The following SPATA18 variants were observed in gnomAD, a reference collection of about 807,000 sequenced individuals.
SPATA18 encodes the protein spermatogenesis associated 18.
A neutral mutation model predicts 68.1 loss-of-function variants in SPATA18; 54 were observed. The observed-to-expected ratio is 0.79, with a 90% CI of 0.64 to 0.99. SPATA18 has a LOEUF of 0.99. Ranked by LOEUF, SPATA18 falls within the 50% of genes least tolerant of loss-of-function variation. The pLI, the probability that SPATA18 is intolerant of heterozygous loss-of-function variation, is 0.00. For synonymous variants in SPATA18, 242 were observed against 244.8 expected (o/e 0.99, Z 0.11); for missense variants, 724 against 681.1 (o/e 1.06, Z -0.70).
chr4:52,060,571 T>A, intron 2 of SPATA18, 47 bp downstream of exon 2: 1 of 1,565,410 alleles, frequency 6.4e-7, no homozygotes, highest in Non-Finnish European at 8.8e-7. Flanking sequence ...TGCCTTTCTC[T>A]CTTTTCTTGG....
At chr4:52,082,136 A>T (rs1022259677) in intron 9 of SPATA18, among the ~76,000 whole-genome samples, 1 of 15,084 alleles carries the variant, frequency 6.6e-5, no homozygotes, top group African/African-American at 7.2e-5. Flanking sequence ...CTGAATTGCA[A>T]CTCTTGTAAT....
intron 1 of SPATA18, 105 bp from the exon 2 acceptor site, chr4:52,060,314 A>G (rs1738715730): frequency 1.2e-6 from 1 of 816,434 alleles, no homozygotes; most frequent in African/African-American, 1.7e-5. Flanking sequence ...CCACAAAAGC[A>G]TACCAGAGCC....
intron 11 of SPATA18, among the ~76,000 whole-genome samples, chr4:52,093,138 A>G (rs1424783431): frequency 6.6e-6 from 1 of 152,204 alleles, no homozygotes; most frequent in Non-Finnish European, 1.5e-5. Context: ...CCTAAACTTA[A>G]AAAGAAAAAT....
At chr4:52,091,868 T>C (rs1741991977) in intron 11 of SPATA18, among the ~76,000 whole-genome samples, 1 of 152,142 alleles carries the variant, frequency 6.6e-6, no homozygotes, top group Admixed American at 6.5e-5. Context: ...TATAAGCCCC[T>C]GACTGGGGCT....
intron 1 of SPATA18, among the ~76,000 whole-genome samples, chr4:52,057,233 C>A (rs1263172644): frequency 6.6e-6 from 1 of 151,824 alleles, no homozygotes; most frequent in Non-Finnish European, 1.5e-5. Flanking sequence ...CAGGGCCTTA[C>A]ATATAATAGA....
rs1459946266 is a variant in SPATA18 at position 52,097,131 on chromosome 4, G to A, written c.*2244G>A. 1 of 152,078 alleles carries A rather than the reference G, an allele frequency of 6.6e-6. No homozygotes were observed. The highest frequency in any genetic ancestry group is 2.4e-5 in the African/African-American group (1 of 41,414). 9.4% of individuals were successfully genotyped at this position (152,078 alleles called of 1,614,324 possible). The stretch of plus-strand genomic sequence containing the variant: ...GACTGGCCTATACTCATTTTATCTG[G>A]GGATGTACCTTACCCTTAGAGACTT... On this transcript the variant is annotated 3_prime_UTR_variant, in exon 13 of 13. Coordinates refer to ENST00000295213, the MANE Select transcript of SPATA18 (RefSeq NM_145263.4).
At chr4:52,091,564 C>T (rs1741956608) in intron 11 of SPATA18, among the ~76,000 whole-genome samples, 1 of 152,152 alleles carries the variant, frequency 6.6e-6, no homozygotes, top group Admixed American at 6.5e-5. Flanking sequence ...ACTGAAAGTC[C>T]ACTCCCAACC....
At position 52,094,867 on chromosome 4, in the gene SPATA18, T is replaced by G; in HGVS notation, c.1610-13T>G. The G allele has an allele frequency of 6.2e-7, 1 of 1,613,744 alleles. No individual in the cohort carries two copies. ...AGTGACCATAATAATGAACTGTCTA[T>G]TTTTCTCCCTAGGATTTTAAAAGCA... On this transcript the variant is annotated splice_polypyrimidine_tract_variant and intron_variant, in intron 12 of 12. Coordinates refer to ENST00000295213, the MANE Select transcript of SPATA18 (RefSeq NM_145263.4).
At chr4:52,082,534 A>C (rs1312917841) in intron 10 of SPATA18, 24 bp downstream of exon 10, 4 of 1,613,946 alleles carry the variant, frequency 2.5e-6, no homozygotes, top group Non-Finnish European at 3.4e-6. Context: ...GCATAGTGAC[A>C]ATTCATCCCA....
At chr4:52,091,921 C>A (rs986644933) in intron 11 of SPATA18, among the ~76,000 whole-genome samples, 1 of 152,208 alleles carries the variant, frequency 6.6e-6, no homozygotes, top group African/African-American at 2.4e-5. Context: ...GAGGAGCAAT[C>A]TGCCAGTCTG....
intron 1 of SPATA18, among the ~76,000 whole-genome samples, chr4:52,057,746 C>G (rs550418663): frequency 7.9e-5 from 12 of 152,294 alleles, no homozygotes; most frequent in African/African-American, 2.9e-4. Context: ...TGCCTTATTC[C>G]TAAGCCACTG....
At chr4:52,068,875 T>G (rs1739556867) in intron 4 of SPATA18, among the ~76,000 whole-genome samples, 1 of 152,130 alleles carries the variant, frequency 6.6e-6, no homozygotes, top group African/African-American at 2.4e-5. Context: ...CTTCCATTTT[T>G]TTTTTGGAGA....
chr4:52,084,009 G>A (rs9997080), intron 10 of SPATA18, among the ~76,000 whole-genome samples: 19,407 of 148,588 alleles, frequency 0.13, 1,450 homozygotes, highest in South Asian at 0.28. Context: ...AAAGTGCTGC[G>A]ATTACAGGCA....
At chr4:52,082,873 C>A (rs753323356) in intron 10 of SPATA18, 1 of 985,184 alleles carries the variant, frequency 1.0e-6, no homozygotes, top group Admixed American at 6.2e-5. Context: ...TCTCAGGAAA[C>A]GATTTGCCAA....
Position 52,079,872 on chromosome 4 carries a change from C to T in SPATA18, c.1308C>T (p.Pro436=), listed in dbSNP as rs370332305. 1 of 1,613,830 alleles carries T rather than the reference C, an allele frequency of 6.2e-7. No homozygotes were observed. The highest frequency in any genetic ancestry group is 1.3e-5 in the African/African-American group (1 of 74,906). ...TTGCAATGCAGGCCTTAGAACCACCCCTAGATATTGCATATGGAGCAGATG... is the reference window on the plus strand; with the variant it reads ...TTGCAATGCAGGCCTTAGAACCACCTCTAGATATTGCATATGGAGCAGATG... ...IAFAMQALEP[P]LDIAYGADGE... The change falls in exon 9 of 13, where the codon CCC becomes CCT. Residue 436 remains proline, a synonymous_variant. Transcript: ENST00000295213.
intron 4 of SPATA18, among the ~76,000 whole-genome samples, chr4:52,065,823 C>A (rs1339310093): frequency 6.6e-6 from 1 of 152,112 alleles, no homozygotes; most frequent in African/African-American, 2.4e-5. Context: ...GGCAAATGGC[C>A]ACAAGTCTGC....
chr4:52,077,930 T>C (rs1477548405), intron 7 of SPATA18, among the ~76,000 whole-genome samples: 1 of 152,084 alleles, frequency 6.6e-6, no homozygotes, highest in Non-Finnish European at 1.5e-5. Flanking sequence ...AAACAAAACA[T>C]TGGTATGAGA....
At chr4:52,054,996 G>A (rs1260749417) in intron 1 of SPATA18, among the ~76,000 whole-genome samples, 1 of 151,654 alleles carries the variant, frequency 6.6e-6, no homozygotes, top group African/African-American at 2.4e-5. Context: ...TGTTATATTA[G>A]TCTTAAGATC....
At chr4:52,082,610 G>T (rs966470473) in intron 10 of SPATA18, 100 bp downstream of exon 10, 1 of 1,605,540 alleles carries the variant, frequency 6.2e-7, no homozygotes, top group African/African-American at 1.3e-5. Context: ...AGTTTATAAA[G>T]AGTTGATAAG....
Sources: allele counts gnomAD v4.1 joint callset (sites outside exome capture counted in the v4.1 genomes callset), GRCh38; gene constraint gnomAD v4.1.1; transcripts MANE v1.5; gene names NCBI Gene and HGNC (gene_info 2026-07-23, HGNC 2026-07-21).